Variants in GDNF observed in about 807,000 individuals in gnomAD.
GDNF encodes the protein glial cell line-derived neurotrophic factor.
GDNF carries 5 observed loss-of-function variants against 13.7 expected under a neutral mutation model. That is an observed-to-expected ratio of 0.36 (90% confidence interval 0.19 to 0.77). The LOEUF (loss-of-function observed/expected upper bound fraction) is 0.77, where lower values mean the gene tolerates loss of function less well. Among genes scored for constraint, GDNF ranks in the 30% least tolerant of loss-of-function variants. GDNF has a pLI of 0.51. For synonymous variants in GDNF, 122 were observed against 112.5 expected, an observed-to-expected ratio of 1.08 and a Z score of -0.53; for missense variants, 246 against 274.3, an observed-to-expected ratio of 0.90 and a Z score of 0.73.
intron 1 of GDNF, among the ~76,000 whole-genome samples, chr5:37,836,501 C>A (rs925783011): frequency 2.0e-5 from 3 of 152,214 alleles, no homozygotes; most frequent in Non-Finnish European, 2.9e-5. Context: ...TGACCTGCAG[C>A]ACCGAGCGCC....
chr5:37,827,249 A>T (rs556732545), intron 2 of GDNF, among the ~76,000 whole-genome samples: 3 of 152,290 alleles, frequency 2.0e-5, no homozygotes, highest in African/African-American at 7.2e-5. Flanking sequence ...AATTGCTACA[A>T]CTGGGGACAT....
chr5:37,823,779 C>G (rs1368520286), intron 2 of GDNF, among the ~76,000 whole-genome samples: 2 of 152,218 alleles, frequency 1.3e-5, no homozygotes, highest in Non-Finnish European at 2.9e-5. Flanking sequence ...CTGAGGTCAA[C>G]TCAGTGCTCT....
rs1750736878 is a variant in GDNF, at chr5:37,837,198, A to C, written c.-27+2309T>G. 6.6e-6 allele frequency among the ~76,000 whole-genome samples: 1 copy of C among 152,122 alleles called. No homozygotes were observed. On this transcript the variant is annotated intron_variant, in intron 1 of 2. Coordinates refer to ENST00000326524, the MANE Select transcript of GDNF (RefSeq NM_000514.4). The surrounding 1 kb of genome is among the most constrained non-coding windows in gnomAD (Gnocchi z 6.5). ...TGTGGGCTCCACCCCTCGGCTTCTC[A>C]GTTTGTCTCTCTATCGCTTTCCCAA...
chr5:37,830,051 T>C (rs182278163), intron 2 of GDNF, among the ~76,000 whole-genome samples: 42 of 152,350 alleles, frequency 2.8e-4, no homozygotes, highest in Admixed American at 2.4e-3. Flanking sequence ...TTGTTCATTC[T>C]AAATTCTGTA....
chr5:37,829,733 G>A (rs1391747936), intron 2 of GDNF, among the ~76,000 whole-genome samples: 1 of 152,220 alleles, frequency 6.6e-6, no homozygotes, highest in Non-Finnish European at 1.5e-5. Flanking sequence ...AGAACCTGTT[G>A]AGTACATTGC....
At chr5:37,832,377 T>C (rs1750553154) in intron 2 of GDNF, among the ~76,000 whole-genome samples, 1 of 152,238 alleles carries the variant, frequency 6.6e-6, no homozygotes, top group Non-Finnish European at 1.5e-5. Flanking sequence ...AAAGTCTGCA[T>C]ACTGTCATTA....
chr5:37,817,604 AGTGT>A (rs34626556), intron 2 of GDNF, among the ~76,000 whole-genome samples: 4,720 of 149,632 alleles, frequency 0.032, 248 homozygotes, highest in African/African-American at 0.11. Flanking sequence ...GTGTGTGTAG[AGTGT>A]GTGTGTGTGT....
chr5:37,813,582 T>TTG lies in GDNF; in HGVS notation c.*2067_*2068dup, dbSNP rs1174140568. 6.7e-6 allele frequency: 1 copy of TTG among 149,306 alleles called. No homozygotes were observed. The highest frequency in any genetic ancestry group is 1.5e-5 in the Non-Finnish European group (1 of 67,584). 9.2% of individuals were successfully genotyped at this position (149,306 alleles called of 1,614,324 possible). On this transcript the variant is annotated 3_prime_UTR_variant, in exon 3 of 3. Transcript: ENST00000326524. ...CCTCTTTTTTTTTTTTTTTTTTTTT[T>TTG]TGAGACAGGGTACCGCACTGTCACT...
At chr5:37,817,298 G>A (rs1749967796) in intron 2 of GDNF, among the ~76,000 whole-genome samples, 2 of 152,172 alleles carry the variant, frequency 1.3e-5, no homozygotes, top group Admixed American at 1.3e-4. Context: ...TTCTAAACGG[G>A]GGGAAAAACA....
rs369549786 is a variant in GDNF, at chr5:37,816,111, T to G, written c.176A>C (p.Asp59Ala). The G allele has an allele frequency of 4.3e-6, 7 of 1,613,370 alleles. No individual in the cohort carries two copies. Among genetic ancestry groups the G allele is most frequent in the Non-Finnish European group, 5.9e-6 (7 of 1,179,442 alleles). Residue 59 changes from aspartate to alanine, a missense_variant, in exon 3 of 3, where the codon GAT becomes GCT. Transcript: ENST00000326524. The stretch of plus-strand genomic sequence containing the variant: ...AAAATCCATGACATCATCGAACTGA[T>G]CAGGATAATCCTCTGGCATATTTGC... ...SDSNMPEDYP[D>A]QFDDVMDFIQ... is the part of the protein sequence containing the mutation.
intron 2 of GDNF, 98 bp downstream of exon 2, chr5:37,834,548 G>A: frequency 8.8e-7 from 1 of 1,133,238 alleles, no homozygotes; most frequent in Non-Finnish European, 1.2e-6. Context: ...AGGCCACACA[G>A]CCATCAGGCT....
rs1332920671 is a variant in GDNF, at chr5:37,814,106, C to T, written c.*1545G>A. ...TGTCTCCCGGGCTGCACTGGGCAGCCAGCATATTCTCGGGAGGGCAGTGGG... is the reference window on the plus strand; with the variant it reads ...TGTCTCCCGGGCTGCACTGGGCAGCTAGCATATTCTCGGGAGGGCAGTGGG... On this transcript the variant is annotated 3_prime_UTR_variant, in exon 3 of 3. Coordinates refer to ENST00000326524, the MANE Select transcript of GDNF (RefSeq NM_000514.4). 6.6e-6 allele frequency: 1 copy of T among 152,626 alleles called. No homozygotes were observed. Among genetic ancestry groups the T allele is most frequent in the Non-Finnish European group, 1.5e-5 (1 of 68,082 alleles). 9.5% of individuals were successfully genotyped at this position (152,626 alleles called of 1,614,324 possible).
Position 37,815,846 on chromosome 5 carries a change from G to A in GDNF, c.441C>T (p.Gly147=). 1 of 1,613,846 alleles carries A rather than the reference G, an allele frequency of 6.2e-7. No homozygotes were observed. Among genetic ancestry groups the A allele is most frequent in the South Asian group, 1.1e-5 (1 of 91,072 alleles). The part of the protein sequence containing the change: ...KEELIFRYCS[G]SCDAAETTYD... The stretch of plus-strand genomic sequence containing the variant: ...ACGTTGTCTCAGCTGCATCGCAAGA[G>A]CCGCTGCAGTACCTAAAAATCAGTT... Residue 147 remains glycine (G), a synonymous_variant, in exon 3 of 3, where the codon GGC becomes GGT. Coordinates refer to ENST00000326524, the MANE Select transcript of GDNF (RefSeq NM_000514.4). The surrounding 1 kb of genome is among the most constrained non-coding windows in gnomAD (Gnocchi z 5.0).
At chr5:37,834,951 C>T (rs1385311557) in intron 1 of GDNF, 129 bp from the exon 2 acceptor site, 8 of 820,920 alleles carry the variant, frequency 9.7e-6, no homozygotes, top group Non-Finnish European at 1.3e-5. Context: ...AGGCCAGCGG[C>T]TCCTCGGGCA....
chr5:37,826,820 C>A (rs1446833195), intron 2 of GDNF, among the ~76,000 whole-genome samples: 1 of 152,202 alleles, frequency 6.6e-6, no homozygotes, highest in Admixed American at 6.5e-5. Flanking sequence ...CTTTTCCAAT[C>A]CCTCTTTATC....
At chr5:37,828,658 T>A (rs955731741) in intron 2 of GDNF, among the ~76,000 whole-genome samples, 23 of 152,222 alleles carry the variant, frequency 1.5e-4, no homozygotes, top group African/African-American at 5.1e-4. Context: ...TTACTAGGTT[T>A]GTGACCCGGA....
Position 37,815,833 on chromosome 5 carries a change from C to T in GDNF, c.454G>A (p.Ala152Thr). The T allele has an allele frequency of 2.5e-6, 4 of 1,614,128 alleles. No homozygotes were observed. Among genetic ancestry groups the T allele is most frequent in the Non-Finnish European group, 2.5e-6 (3 of 1,179,984 alleles). Residue 152 changes from alanine (A) to threonine (T), a missense_variant, in exon 3 of 3, where the codon GCT (alanine) becomes ACT (threonine). Transcript: ENST00000326524. This position sits in a 1 kb window ranked among gnomAD's most constrained non-coding sequence, Gnocchi z 5.0. Reference protein sequence around the residue: ...FRYCSGSCDAAETTYDKILKN... With the variant: ...FRYCSGSCDATETTYDKILKN... ...AATATTTTGTCGTACGTTGTCTCAGCTGCATCGCAAGAGCCGCTGCAGTAC... is the reference window on the plus strand; with the variant it reads ...AATATTTTGTCGTACGTTGTCTCAGTTGCATCGCAAGAGCCGCTGCAGTAC...
chr5:37,815,559 C>G lies in GDNF; in HGVS notation c.*92G>C. 8.0e-7 allele frequency: 1 copy of G among 1,246,872 alleles called. No individual in the cohort carries two copies. Among genetic ancestry groups the G allele is most frequent in the South Asian group, 1.2e-5 (1 of 83,390 alleles). The allele number at this position is 1,246,872 out of a possible 1,614,324, so 77.2% of individuals were successfully genotyped here. A position where few individuals can be genotyped will look rare whatever the true frequency, so the allele number is the denominator to read the frequency against. ...CCTCCTCCGCCTCCTTGGTCCTCAT[C>G]TTCCATTCTGGGCAAACATTTCCTG... On this transcript the variant is annotated 3_prime_UTR_variant, in exon 3 of 3. Coordinates refer to ENST00000326524, the MANE Select transcript of GDNF (RefSeq NM_000514.4). The surrounding 1 kb of genome is among the most constrained non-coding windows in gnomAD (Gnocchi z 5.0).
chr5:37,829,909 A>G (rs1055331355), intron 2 of GDNF, among the ~76,000 whole-genome samples: 3 of 151,662 alleles, frequency 2.0e-5, no homozygotes, highest in African/African-American at 7.3e-5. Context: ...CAAGAGTCTG[A>G]TGTGCAGTTT....
Sources: allele counts gnomAD v4.1 joint callset (sites outside exome capture counted in the v4.1 genomes callset), GRCh38; gene constraint gnomAD v4.1.1; non-coding constraint Gnocchi (gnomAD v3.1); transcripts MANE v1.5; gene names NCBI Gene and HGNC (gene_info 2026-07-23, HGNC 2026-07-21).